XPO4: variants seen among roughly 807,000 people sequenced by gnomAD.
XPO4 encodes exportin 4.
In XPO4, 39 loss-of-function variants were observed where a neutral mutation model predicts 143.0. The ratio of observed to expected loss-of-function variants is 0.27; its 90% CI spans 0.21 to 0.36. XPO4 has a LOEUF of 0.36. Among genes scored for constraint, XPO4 ranks in the 10% least tolerant of loss-of-function variants. The pLI is 1.00. For missense variants in XPO4, 907 were observed against 1,348.0 expected, an observed-to-expected ratio of 0.67 and a Z score of 5.12; for synonymous variants, 439 against 474.0, an observed-to-expected ratio of 0.93 and a Z score of 0.96.
At chr13:20,885,117 A>G (rs2060449381) in intron 1 of XPO4, among the ~76,000 whole-genome samples, 1 of 151,998 alleles carries the variant, frequency 6.6e-6, no homozygotes, top group South Asian at 2.1e-4. Context: ...CACGCTGGCT[A>G]ATTTTGTATT....
intron 6 of XPO4, among the ~76,000 whole-genome samples, chr13:20,828,493 CT>C (rs369907754): frequency 6.6e-6 from 1 of 151,870 alleles, no homozygotes; most frequent in African/African-American, 2.4e-5. Flanking sequence ...GCTCTGGAAA[CT>C]TTTTTTTAAG....
chr13:20,898,900 G>C (rs1053860856), intron 1 of XPO4, among the ~76,000 whole-genome samples: 5 of 152,108 alleles, frequency 3.3e-5, no homozygotes, highest in Non-Finnish European at 7.4e-5. Context: ...ACTCACCTGG[G>C]CACAGTAGCT....
chr13:20,887,634 C>T (rs996440394), intron 1 of XPO4, among the ~76,000 whole-genome samples: 2 of 151,778 alleles, frequency 1.3e-5, no homozygotes, highest in Non-Finnish European at 1.5e-5. Flanking sequence ...GCTGGTGGAT[C>T]GCTTGAAGTC....
chr13:20,896,723 T>G (rs759996339), intron 1 of XPO4, among the ~76,000 whole-genome samples: 1 of 152,210 alleles, frequency 6.6e-6, no homozygotes, highest in Non-Finnish European at 1.5e-5. Context: ...CCATTTTTTG[T>G]ATTACTGTAT....
chr13:20,788,744 T>G, intron 19 of XPO4, 128 bp from the exon 20 acceptor site: 1 of 958,496 alleles, frequency 1.0e-6, no homozygotes, highest in East Asian at 3.0e-5. Context: ...GTACAAGATA[T>G]AGAAAACATG....
At chr13:20,883,658 AC>A (rs1484754180) in intron 1 of XPO4, among the ~76,000 whole-genome samples, 2 of 152,240 alleles carry the variant, frequency 1.3e-5, no homozygotes, top group African/African-American at 4.8e-5. Context: ...AGAGTTTACC[AC>A]CAAAGTACTC....
At chr13:20,856,766 T>C (rs983363543) in intron 3 of XPO4, 2 of 873,322 alleles carry the variant, frequency 2.3e-6, no homozygotes, top group African/African-American at 3.6e-5. Context: ...ACTGCAGACA[T>C]ATTGACCTTT....
At chr13:20,888,152 G>A (rs1201898636) in intron 1 of XPO4, among the ~76,000 whole-genome samples, 4 of 137,168 alleles carry the variant, frequency 2.9e-5, no homozygotes. Flanking sequence ...GCCAGCCTGG[G>A]CGACAAGAGC....
intron 18 of XPO4, among the ~76,000 whole-genome samples, chr13:20,791,215 T>C (rs1484832610): frequency 1.3e-5 from 2 of 152,022 alleles, no homozygotes; most frequent in African/African-American, 2.4e-5. Context: ...AAACAGTCCA[T>C]TCCAACTATT....
rs545827427 is a variant in XPO4 at position 20,855,458 on chromosome 13, A to AG, written c.456+168dup. ...CAACAAGAGCAAAACTCTTGTCACA[A>AG]GGGAAAAAAAAAAAAAAAGACTAGA... On this transcript the variant is annotated intron_variant, in intron 4 of 22. Transcript: ENST00000255305. Among the ~76,000 whole-genome samples, 306 of 131,816 alleles carry AG rather than the reference A, an allele frequency of 2.3e-3. 1 individual carries two copies. The highest frequency in any genetic ancestry group is 0.011 in the South Asian group (36 of 3,282). 86.5% of individuals were successfully genotyped at this position (131,816 alleles called of 152,430 possible).
intron 1 of XPO4, among the ~76,000 whole-genome samples, chr13:20,874,580 C>G (rs1313147448): frequency 1.3e-5 from 2 of 152,210 alleles, no homozygotes; most frequent in African/African-American, 4.8e-5. Context: ...CTTTCTCTCT[C>G]TCTTTCTTGC....
chr13:20,816,620 T>G (rs779421777), intron 9 of XPO4, among the ~76,000 whole-genome samples: 1 of 152,204 alleles, frequency 6.6e-6, no homozygotes, highest in Admixed American at 6.5e-5. Flanking sequence ...ACAATAGTTA[T>G]AACAGTAAGT....
intron 6 of XPO4, among the ~76,000 whole-genome samples, chr13:20,834,251 G>A (rs2059888933): frequency 1.3e-5 from 2 of 151,978 alleles, no homozygotes; most frequent in Non-Finnish European, 2.9e-5. Context: ...TAATTCATTA[G>A]CATTAATAAG....
At chr13:20,833,338 G>C (rs539890677) in intron 6 of XPO4, among the ~76,000 whole-genome samples, 1 of 152,230 alleles carries the variant, frequency 6.6e-6, no homozygotes. Context: ...CTCAATATCC[G>C]GAGGGGGACT....
intron 9 of XPO4, among the ~76,000 whole-genome samples, chr13:20,815,687 T>C (rs2059641119): frequency 6.6e-6 from 1 of 152,238 alleles, no homozygotes; most frequent in African/African-American, 2.4e-5. Context: ...GTGTTAGATA[T>C]GTGATTCACA....
At position 20,899,114 on chromosome 13, in the gene XPO4, C is replaced by T. The variant is rs111755007; in HGVS notation, c.69+3556G>A. On this transcript the variant is annotated intron_variant, in intron 1 of 22. Transcript: ENST00000255305. ...CTGTCTCAAAAGAAAGGGAGGGGAT[C>T]GGGGGGACTTAAGTATCAATGCACG... is the stretch of plus-strand genomic sequence containing the variant. Among the ~76,000 whole-genome samples the T allele has an allele frequency of 3.2e-3, 485 of 152,144 alleles. 4 individuals carry two copies. Among genetic ancestry groups the T allele is most frequent in the African/African-American group, 0.011 (457 of 41,518 alleles).
intron 9 of XPO4, among the ~76,000 whole-genome samples, chr13:20,810,474 A>C (rs1049110626): frequency 6.6e-6 from 1 of 152,236 alleles, no homozygotes; most frequent in Non-Finnish European, 1.5e-5. Context: ...GACTCAACTC[A>C]TAATTATTAG....
At chr13:20,799,093 T>C in intron 16 of XPO4, 72 bp downstream of exon 16, 1 of 1,376,124 alleles carries the variant, frequency 7.3e-7, no homozygotes. Context: ...CAGAGACTCT[T>C]ACGGCAACGC....
chr13:20,873,031 T>C (rs2060315540), intron 1 of XPO4, among the ~76,000 whole-genome samples: 1 of 146,288 alleles, frequency 6.8e-6, no homozygotes, highest in Admixed American at 7.0e-5. Context: ...AGAGATGGAA[T>C]CCCATAAATC....
Sources: gnomAD v4.1 joint callset for allele counts (sites outside exome capture counted in the v4.1 genomes callset) on GRCh38, gnomAD v4.1.1 for gene constraint, MANE v1.5 for transcripts, NCBI Gene and HGNC (gene_info 2026-07-23, HGNC 2026-07-21) for gene names.